CHD7: variants seen among roughly 807,000 people sequenced by gnomAD.
The protein encoded by CHD7 is ATP-dependent chromatin remodeler CHD7.
In CHD7, 24 loss-of-function variants were observed where a neutral mutation model predicts 307.3. That is an observed-to-expected ratio of 0.08 (90% CI 0.06 to 0.11). The LOEUF (loss-of-function observed/expected upper bound fraction) is 0.11, where lower values mean the gene tolerates loss of function less well. Among genes scored for constraint, CHD7 ranks in the 10% least tolerant of loss-of-function variants. The pLI is 1.00. For missense variants in CHD7, 3,106 were observed against 3,727.1 expected (o/e 0.83, Z 4.34); for synonymous variants, 1,363 against 1,349.9 (o/e 1.01, Z -0.21).
chr8:60,736,029 GAGGAAGAAAATGTGGTCTTGGCC>G (rs1458202345), intron 1 of CHD7, among the ~76,000 whole-genome samples: 26 of 152,214 alleles, frequency 1.7e-4, no homozygotes, highest in African/African-American at 5.3e-4. Context: ...GCATACTAAT[GAGGAAGAAAATGTGGTCTTGGCC>G]AGGAAGAAAA....
intron 2 of CHD7, among the ~76,000 whole-genome samples, chr8:60,777,327 A>T (rs1030497182): frequency 6.6e-6 from 1 of 152,232 alleles, no homozygotes; most frequent in African/African-American, 2.4e-5. Context: ...AGCATTGCAC[A>T]CACTGTTAAC....
At chr8:60,847,157 C>T (rs1179426368) in intron 23 of CHD7, among the ~76,000 whole-genome samples, 1 of 152,222 alleles carries the variant, frequency 6.6e-6, no homozygotes, top group Admixed American at 6.5e-5. Flanking sequence ...TAAGCTCACA[C>T]TTGGCCTATC....
At chr8:60,791,058 T>G (rs184084890) in intron 3 of CHD7, among the ~76,000 whole-genome samples, 22 of 152,318 alleles carry the variant, frequency 1.4e-4, no homozygotes, top group Non-Finnish European at 2.9e-4. Flanking sequence ...TACACCCATA[T>G]GGAGAATCTC....
intron 4 of CHD7, among the ~76,000 whole-genome samples, chr8:60,796,273 G>C (rs1812029962): frequency 6.6e-6 from 1 of 152,206 alleles, no homozygotes; most frequent in Non-Finnish European, 1.5e-5. Context: ...TCAATGGAAA[G>C]ATATTGGGAA....
At chr8:60,739,166 C>T (rs550428416) in intron 1 of CHD7, among the ~76,000 whole-genome samples, 5 of 152,258 alleles carry the variant, frequency 3.3e-5, no homozygotes, top group South Asian at 2.1e-4. Flanking sequence ...GGAGCCCCAT[C>T]GAGTCAGTAG....
intron 28 of CHD7, 131 bp from the exon 29 acceptor site, chr8:60,851,888 A>G (rs1299537935): frequency 1.7e-5 from 10 of 594,318 alleles, no homozygotes; most frequent in Non-Finnish European, 2.9e-5. Flanking sequence ...TTATATTTTA[A>G]AAATGAGGGC....
At chr8:60,747,233 G>A (rs892705526) in intron 2 of CHD7, among the ~76,000 whole-genome samples, 2 of 151,244 alleles carry the variant, frequency 1.3e-5, no homozygotes, top group Admixed American at 6.6e-5. Flanking sequence ...CCGCCACCAC[G>A]CCCAGCTTTT....
At chr8:60,698,297 A>T (rs1432727555) in intron 1 of CHD7, among the ~76,000 whole-genome samples, 3 of 152,246 alleles carry the variant, frequency 2.0e-5, no homozygotes, top group Non-Finnish European at 4.4e-5. Flanking sequence ...ATAATTTGAG[A>T]GGATTTTTGC....
chr8:60,721,153 A>T (rs942365384), intron 1 of CHD7, among the ~76,000 whole-genome samples: 6 of 152,108 alleles, frequency 3.9e-5, no homozygotes, highest in African/African-American at 1.4e-4. Flanking sequence ...CCAAACTCAT[A>T]TGTTGAAGCC....
intron 24 of CHD7, 65 bp downstream of exon 24, chr8:60,848,669 T>C: frequency 7.8e-7 from 1 of 1,280,772 alleles, no homozygotes; most frequent in African/African-American, 1.5e-5. Context: ...GAAAACATCA[T>C]GGATTGTGTT....
intron 1 of CHD7, among the ~76,000 whole-genome samples, chr8:60,700,211 T>C (rs1033614143): frequency 2.0e-5 from 3 of 152,232 alleles, no homozygotes; most frequent in Non-Finnish European, 4.4e-5. Context: ...TGAATGAAAC[T>C]AGATACTAAA....
intron 1 of CHD7, among the ~76,000 whole-genome samples, chr8:60,685,267 C>A (rs923535737): frequency 6.6e-6 from 1 of 152,166 alleles, no homozygotes; most frequent in African/African-American, 2.4e-5. Context: ...GTGGGGAGTT[C>A]ATCAAGGAAT....
At chr8:60,682,653 C>G (rs545777278) in intron 1 of CHD7, among the ~76,000 whole-genome samples, 1 of 152,296 alleles carries the variant, frequency 6.6e-6, no homozygotes, top group African/African-American at 2.4e-5. Flanking sequence ...CAGTACTTTC[C>G]TTTAGGGAGT....
chr8:60,768,014 T>C (rs1385737027), intron 2 of CHD7, among the ~76,000 whole-genome samples: 2 of 152,198 alleles, frequency 1.3e-5, no homozygotes, highest in African/African-American at 2.4e-5. Context: ...GAAAAGTAAA[T>C]TGTATTTGAA....
chr8:60,820,124 AT>A (rs778081390), intron 9 of CHD7, 34 bp downstream of exon 9: 2 of 1,415,184 alleles, frequency 1.4e-6, no homozygotes, highest in Non-Finnish European at 2.0e-6. Flanking sequence ...CAAAGTGGTG[AT>A]TCAGGCAACC....
intron 4 of CHD7, among the ~76,000 whole-genome samples, chr8:60,799,473 C>T (rs192300120): frequency 6.6e-6 from 1 of 152,290 alleles, no homozygotes; most frequent in Admixed American, 6.5e-5. Context: ...AAATTACTGT[C>T]CATAGTCATT....
chr8:60,775,146 G>C (rs16926467), intron 2 of CHD7, among the ~76,000 whole-genome samples: 1 of 151,866 alleles, frequency 6.6e-6, no homozygotes, highest in Non-Finnish European at 1.5e-5. Flanking sequence ...AAAGGCAAAG[G>C]TTCAAAAACG....
chr8:60,810,724 G>A (rs1398114096), intron 7 of CHD7, among the ~76,000 whole-genome samples: 1 of 152,030 alleles, frequency 6.6e-6, no homozygotes, highest in Non-Finnish European at 1.5e-5. Context: ...TAGTTTGAGG[G>A]CATAGGGACT....
intron 1 of CHD7, among the ~76,000 whole-genome samples, chr8:60,717,950 C>T (rs1807691910): frequency 7.6e-6 from 1 of 131,220 alleles, no homozygotes; most frequent in Non-Finnish European, 1.7e-5. Flanking sequence ...GGAGTATACC[C>T]CTTCTACCAT....
Sources: gnomAD v4.1 joint callset for allele counts (sites outside exome capture counted in the v4.1 genomes callset) on GRCh38, gnomAD v4.1.1 for gene constraint, MANE v1.5 for transcripts, NCBI Gene and HGNC (gene_info 2026-07-23, HGNC 2026-07-21) for gene names.